The following MXRA5 variants were observed in gnomAD, a reference collection of about 807,000 sequenced individuals.
MXRA5 encodes matrix-remodeling-associated protein 5.
In MXRA5, 41 loss-of-function variants were observed where a neutral mutation model predicts 112.5. The observed-to-expected ratio is 0.36, with a 90% CI of 0.28 to 0.47. MXRA5 has a LOEUF of 0.47. MXRA5 is among the 20% of genes least tolerant of loss of function. The pLI is 0.99. For synonymous variants in MXRA5, 862 were observed against 900.8 expected (o/e 0.96, Z 0.77); for missense variants, 2,150 against 2,251.0 (o/e 0.96, Z 0.91).
At chrX:3,338,372 A>G (rs1603468228) in intron 2 of MXRA5, among the ~76,000 whole-genome samples, 1 of 110,855 alleles carries the variant, frequency 9.0e-6, no homozygotes, top group Non-Finnish European at 1.9e-5. Context: ...ACAGATGATA[A>G]ATAGATAGAT....
At chrX:3,337,285 T>C (rs750685129) in intron 2 of MXRA5, among the ~76,000 whole-genome samples, 3 of 112,135 alleles carry the variant, frequency 2.7e-5, no homozygotes, top group Non-Finnish European at 5.6e-5. Context: ...TTCTGTTCCT[T>C]AGACTCACCA....
At chrX:3,345,339 A>C (rs1223058793) in intron 1 of MXRA5, among the ~76,000 whole-genome samples, 2 of 112,809 alleles carry the variant, frequency 1.8e-5, no homozygotes, top group Non-Finnish European at 3.8e-5. Flanking sequence ...GCGCTGGAAC[A>C]AACCGGCTCC....
chrX:3,333,480 T>A, intron 2 of MXRA5, among the ~76,000 whole-genome samples: 1 of 110,362 alleles, frequency 9.1e-6, no homozygotes, highest in Admixed American at 9.7e-5. Context: ...AACTTAAATA[T>A]TCCACAAGCA....
intron 2 of MXRA5, among the ~76,000 whole-genome samples, chrX:3,333,989 C>T (rs886084795): frequency 9.0e-6 from 1 of 111,234 alleles, no homozygotes; most frequent in Non-Finnish European, 1.9e-5. Flanking sequence ...AGGTCTCTCT[C>T]TCTCTCTCTC....
At position 3,340,761 on chromosome X, in the gene MXRA5, G is replaced by A. The variant is rs760681936; in HGVS notation, c.188+2885C>T. 4.7e-5 allele frequency among the ~76,000 whole-genome samples: 5 copies of A among 107,099 alleles called. No individual in the cohort carries two copies. The South Asian group carries it at 1.6e-3, about 35-fold the overall frequency. 93.0% of individuals were successfully genotyped at this position (107,099 alleles called of 115,157 possible). A position where few individuals can be genotyped will look rare whatever the true frequency, so the allele number is the denominator to read the frequency against. ...AATGAACGGGAAGAAAAGCATCCCA[G>A]AAACTGTAAATGAGATGCAAACAAC... On this transcript the variant is annotated intron_variant, in intron 2 of 6. Coordinates refer to ENST00000217939, the MANE Select transcript of MXRA5 (RefSeq NM_015419.4).
At chrX:3,325,989 TTTATATA>T (rs1194989722) in intron 4 of MXRA5, among the ~76,000 whole-genome samples, 2 of 75,334 alleles carry the variant, frequency 2.7e-5, no homozygotes, top group African/African-American at 1.1e-4. Context: ...TAATATATAA[TTTATATA>T]TTATATATTA....
At chrX:3,340,601 C>T (rs1158848663) in intron 2 of MXRA5, among the ~76,000 whole-genome samples, 1 of 110,952 alleles carries the variant, frequency 9.0e-6, no homozygotes, top group Non-Finnish European at 1.9e-5. Flanking sequence ...GAAACTTTAA[C>T]ATGTTGGTAT....
intron 2 of MXRA5, among the ~76,000 whole-genome samples, chrX:3,339,639 G>A (rs994359074): frequency 4.5e-5 from 5 of 111,272 alleles, no homozygotes; most frequent in African/African-American, 1.6e-4. Context: ...GTGAGAATGG[G>A]GCGGATATTC....
Position 3,320,678 on chromosome X carries a change from A to G in MXRA5, c.5007T>C (p.Ser1669=). 2 of 1,211,795 alleles carry G rather than the reference A, an allele frequency of 1.7e-6. No homozygotes were observed. Among genetic ancestry groups the G allele is most frequent in the Non-Finnish European group, 2.2e-6 (2 of 895,356 alleles). ...NKQFTTPRLS[S]TTIPLPLHMS... is the part of the protein sequence containing the mutation. ...TGTGCAATGGGAGAGGAATTGTTGTACTTGATAATCTTGGAGTTGTAAACT... is the reference window on the plus strand; with the variant it reads ...TGTGCAATGGGAGAGGAATTGTTGTGCTTGATAATCTTGGAGTTGTAAACT... The change falls in exon 5 of 7, where the codon AGT becomes AGC. Residue 1669 remains serine (S), a synonymous_variant. Transcript: ENST00000217939.
At chrX:3,331,161 C>T (rs1921656270) in intron 2 of MXRA5, among the ~76,000 whole-genome samples, 1 of 111,802 alleles carries the variant, frequency 8.9e-6, no homozygotes, top group African/African-American at 3.3e-5. Flanking sequence ...CCTGCCTGGG[C>T]TCCCAAAGTG....
In MXRA5 at chrX:3,310,568, G is replaced by T. The variant is rs1463766438; in HGVS notation, c.7635C>A (p.His2545Gln). The change falls in exon 7 of 7, where the codon CAC (histidine) becomes CAA (glutamine). Residue 2545 changes from histidine (H) to glutamine (Q), a missense_variant. His to Gln is a conservative substitution (Grantham distance 24). Around this residue, in one of 6 missense-constraint regions of MXRA5, gnomAD observed 93 missense variants for 135.5 expected, o/e 0.69. Transcript: ENST00000217939. ...CCGTGATCTTCTCGCTGATCGGGTC[G>T]TGGAAGATGGGTTTCTCCATGGGCT... ...VLEPMEKPIFHDPISEKITAM... is the reference protein window; with the variant it reads ...VLEPMEKPIFQDPISEKITAM... 5 of 1,128,520 alleles carry T rather than the reference G, an allele frequency of 4.4e-6. No individual in the cohort carries two copies. Among genetic ancestry groups the T allele is most frequent in the South Asian group, 3.8e-5 (2 of 52,666 alleles). 93.0% of individuals were successfully genotyped at this position (1,128,520 alleles called of 1,213,427 possible).
intron 5 of MXRA5, among the ~76,000 whole-genome samples, chrX:3,319,342 T>C (rs914036899): frequency 3.6e-5 from 4 of 112,499 alleles, no homozygotes; most frequent in Non-Finnish European, 3.8e-5. Flanking sequence ...GTGGGTTTAA[T>C]AGAGAATTCT....
At chrX:3,332,396 C>T (rs1232117272) in intron 2 of MXRA5, among the ~76,000 whole-genome samples, 1 of 111,169 alleles carries the variant, frequency 9.0e-6, no homozygotes, top group Non-Finnish European at 1.9e-5. Context: ...AGGCGCCCGC[C>T]ACCGCGCCCG....
rs771239717 is a variant in MXRA5 at position 3,317,249 on chromosome X, G to A, written c.6432C>T (p.Ala2144=). 7 of 1,209,869 alleles carry A rather than the reference G, an allele frequency of 5.8e-6. No homozygotes were observed. The African/African-American group carries it at 6.9e-5, about 12-fold the overall frequency. Residue 2144 remains alanine (A), a synonymous_variant, in exon 6 of 7, where the codon GCC becomes GCT. Transcript: ENST00000217939. ...TVQLNVQRAA[A]NARITGTSPR... ...GGGAGGTGCCCGTGATGCGCGCGTT[G>A]GCTGCTGCACGCTGCACGTTCAGCT...
In MXRA5 at chrX:3,321,430, T is replaced by C; in HGVS notation, c.4255A>G (p.Thr1419Ala). The C allele has an allele frequency of 3.3e-6, 4 of 1,211,527 alleles. No homozygotes were observed. Among genetic ancestry groups the C allele is most frequent in the Non-Finnish European group, 4.5e-6 (4 of 895,306 alleles). The change falls in exon 5 of 7, where the codon ACT (threonine) becomes GCT (alanine). Residue 1419 changes from threonine (T) to alanine (A), a missense_variant. By Grantham distance (58) the Thr-to-Ala change is moderately conservative (BLOSUM62 0). Transcript: ENST00000217939. ...GTCAAAGAGGACAAAAACTCGGAAG[T>C]GAAATCCACATCCTCAAGCTCTTTA... ...LLKELEDVDF[T>A]SEFLSSLTVS...
At position 3,309,197 on chromosome X, in the gene MXRA5, ACT is replaced by A. The variant is rs1210821108; in HGVS notation, c.*517_*518del. On this transcript the variant is annotated 3_prime_UTR_variant, in exon 7 of 7. Coordinates refer to ENST00000217939, the MANE Select transcript of MXRA5 (RefSeq NM_015419.4). Reference sequence around the variant, plus strand: ...ATTAAAATATATATATATATCAGTCACTCTGGTTCTAAATCCTTATTGGGCAA... The same window carrying A: ...ATTAAAATATATATATATATCAGTCACTGGTTCTAAATCCTTATTGGGCAA... 8.9e-6 allele frequency: 1 copy of A among 111,785 alleles called. No homozygotes were observed. The highest frequency in any genetic ancestry group is 9.5e-5 in the Admixed American group (1 of 10,482). 9.2% of individuals were successfully genotyped at this position (111,785 alleles called of 1,213,427 possible). A position where few individuals can be genotyped will look rare whatever the true frequency, so the allele number is the denominator to read the frequency against.
intron 6 of MXRA5, among the ~76,000 whole-genome samples, chrX:3,315,565 A>C (rs1187456902): frequency 4.6e-5 from 5 of 109,178 alleles, no homozygotes; most frequent in Admixed American, 9.8e-5. Flanking sequence ...TACCAGAAGC[A>C]CCCACTGCCC....
Position 3,317,478 on chromosome X carries a change from T to C in MXRA5, c.6203A>G (p.His2068Arg). Reference sequence around the variant, plus strand: ...CAGGGGCGCAGCCTTGGCAGTGCAGTGAATGTGAATGCTGAGCCCCGGGGG... The same window carrying C: ...CAGGGGCGCAGCCTTGGCAGTGCAGCGAATGTGAATGCTGAGCCCCGGGGG... The part of the protein sequence containing the change: ...SLPPGLSIHI[H>R]CTAKAAPLPS... Residue 2068 changes from histidine to arginine, a missense_variant, in exon 6 of 7, where the codon CAC becomes CGC. This residue lies in a region of MXRA5 where 1,485 missense variants were observed against 1,471.6 expected (regional missense o/e 1.01). Transcript: ENST00000217939. 1 of 1,194,132 alleles carries C rather than the reference T, an allele frequency of 8.4e-7. No homozygotes were observed. The highest frequency in any genetic ancestry group is 1.1e-6 in the Non-Finnish European group (1 of 887,039).
chrX:3,312,807 T>C (rs1340404207), intron 6 of MXRA5, among the ~76,000 whole-genome samples: 1 of 111,555 alleles, frequency 9.0e-6, no homozygotes, highest in Non-Finnish European at 1.9e-5. Context: ...TGGACTTAAG[T>C]GATCCTTCTG....
Sources: allele counts gnomAD v4.1 joint callset (sites outside exome capture counted in the v4.1 genomes callset), GRCh38; gene constraint gnomAD v4.1.1; regional missense constraint gnomAD v4.1.1; transcripts MANE v1.5; gene names NCBI Gene and HGNC (gene_info 2026-07-23, HGNC 2026-07-21).